ERBIN: variants seen among roughly 807,000 people sequenced by gnomAD.
ERBIN encodes densin-180-like protein.
Under a neutral mutation model 158.4 loss-of-function variants are expected in ERBIN, and 60 were observed. That is an observed-to-expected ratio of 0.38 (90% CI 0.31 to 0.47). The LOEUF (loss-of-function observed/expected upper bound fraction) is 0.47. ERBIN is among the 20% of genes least tolerant of loss of function. The pLI is 0.99. For missense variants in ERBIN, 1,610 were observed against 1,648.0 expected (o/e 0.98, Z 0.40); for synonymous variants, 594 against 557.2 (o/e 1.07, Z -0.93).
chr5:65,964,288 A>G (rs914952557), intron 1 of ERBIN, among the ~76,000 whole-genome samples: 1 of 152,248 alleles, frequency 6.6e-6, no homozygotes, highest in Admixed American at 6.5e-5. Flanking sequence ...CATTAATTCT[A>G]GAAATCTGTT....
chr5:66,004,829 G>A (rs1753410802), intron 4 of ERBIN, among the ~76,000 whole-genome samples: 1 of 152,136 alleles, frequency 6.6e-6, no homozygotes, highest in South Asian at 2.1e-4. Context: ...TGTACCAGAA[G>A]CTATTTTGTA....
intron 1 of ERBIN, among the ~76,000 whole-genome samples, chr5:65,940,555 C>T (rs1180320900): frequency 7.7e-6 from 1 of 129,924 alleles, no homozygotes; most frequent in African/African-American, 3.0e-5. Flanking sequence ...CCGCCCCGTC[C>T]GGGAGGTGAG....
intron 25 of ERBIN, 42 bp downstream of exon 25, chr5:66,076,991 CTAA>C: frequency 1.5e-6 from 2 of 1,328,738 alleles, no homozygotes; most frequent in Non-Finnish European, 2.1e-6. Flanking sequence ...TTATAACACT[CTAA>C]TGTTTTCACA....
chr5:66,013,249 T>C (rs1329600848), intron 5 of ERBIN, among the ~76,000 whole-genome samples: 1 of 152,208 alleles, frequency 6.6e-6, no homozygotes, highest in South Asian at 2.1e-4. Flanking sequence ...GATTTCAGAG[T>C]TATACCCTAA....
At chr5:66,014,318 C>T (rs968738333) in intron 6 of ERBIN, among the ~76,000 whole-genome samples, 6 of 152,136 alleles carry the variant, frequency 3.9e-5, no homozygotes, top group Non-Finnish European at 8.8e-5. Flanking sequence ...TATTTCTTCT[C>T]AGAGCAGCAC....
intron 1 of ERBIN, among the ~76,000 whole-genome samples, chr5:65,952,073 G>A (rs1299358078): frequency 6.6e-6 from 1 of 152,204 alleles, no homozygotes; most frequent in Non-Finnish European, 1.5e-5. Context: ...CTCATGTTCT[G>A]TGGGATGACT....
At chr5:66,056,608 A>G (rs951868564) in intron 21 of ERBIN, among the ~76,000 whole-genome samples, 7 of 152,030 alleles carry the variant, frequency 4.6e-5, no homozygotes, top group Non-Finnish European at 8.8e-5. Context: ...TGAAGAGTAT[A>G]TGACAGTAGT....
At chr5:65,958,492 G>A (rs1580158467) in intron 1 of ERBIN, among the ~76,000 whole-genome samples, 1 of 151,870 alleles carries the variant, frequency 6.6e-6, no homozygotes, top group East Asian at 1.9e-4. Flanking sequence ...GGGGCGGTGC[G>A]CGCCTGCAAT....
intron 1 of ERBIN, among the ~76,000 whole-genome samples, chr5:65,941,336 CAAT>C (rs1561273045): frequency 8.3e-6 from 1 of 119,866 alleles, no homozygotes; most frequent in African/African-American, 3.3e-5. Context: ...AAAAAAAGAA[CAAT>C]ACAAATAACA....
At chr5:66,045,926 C>T (rs1419411176) in intron 17 of ERBIN, among the ~76,000 whole-genome samples, 8 of 152,176 alleles carry the variant, frequency 5.3e-5, no homozygotes, top group African/African-American at 9.7e-5. Flanking sequence ...ATCCCTAAAT[C>T]GTCTGTATAT....
At chr5:65,987,234 T>C (rs1751328518) in intron 1 of ERBIN, among the ~76,000 whole-genome samples, 1 of 152,052 alleles carries the variant, frequency 6.6e-6, no homozygotes. Context: ...CTTACTGCCC[T>C]GAATAGTCTA....
intron 14 of ERBIN, among the ~76,000 whole-genome samples, chr5:66,036,152 T>C (rs1194489240): frequency 5.9e-5 from 9 of 152,154 alleles, no homozygotes; most frequent in Non-Finnish European, 1.2e-4. Flanking sequence ...TGTCTTACCT[T>C]ACAGTGCTTT....
chr5:66,072,370 CT>C, intron 22 of ERBIN, 79 bp downstream of exon 22: 1 of 1,368,078 alleles, frequency 7.3e-7, no homozygotes, highest in Non-Finnish European at 9.6e-7. Flanking sequence ...ATTATATGTG[CT>C]TTAGATGAAA....
At chr5:66,020,924 A>G (rs1755620913) in intron 7 of ERBIN, among the ~76,000 whole-genome samples, 1 of 151,968 alleles carries the variant, frequency 6.6e-6, no homozygotes, top group South Asian at 2.1e-4. Context: ...TTACAAATAT[A>G]TGAGCAGTTT....
At chr5:65,961,797 G>A (rs1747956335) in intron 1 of ERBIN, among the ~76,000 whole-genome samples, 1 of 151,950 alleles carries the variant, frequency 6.6e-6, no homozygotes. Flanking sequence ...AGGTATCTTT[G>A]GTGGGGAGGG....
chr5:66,073,136 A>G (rs1209967840), intron 22 of ERBIN, among the ~76,000 whole-genome samples: 3 of 152,186 alleles, frequency 2.0e-5, no homozygotes, highest in Non-Finnish European at 2.9e-5. Context: ...GTAGCTTAAT[A>G]TATTCCATGT....
chr5:66,059,941 A>G (rs1202766265), intron 21 of ERBIN, among the ~76,000 whole-genome samples: 3 of 152,176 alleles, frequency 2.0e-5, no homozygotes, highest in Non-Finnish European at 4.4e-5. Context: ...TCAGTTTGCC[A>G]GTATTTTATT....
At chr5:65,972,561 T>G (rs542626189) in intron 1 of ERBIN, among the ~76,000 whole-genome samples, 12 of 151,620 alleles carry the variant, frequency 7.9e-5, no homozygotes, top group African/African-American at 2.9e-4. Flanking sequence ...AAATAATGTT[T>G]GGTTAAGTAG....
At chr5:66,067,455 A>T (rs1242848241) in intron 21 of ERBIN, among the ~76,000 whole-genome samples, 2 of 152,212 alleles carry the variant, frequency 1.3e-5, no homozygotes. Flanking sequence ...CAGGGACATG[A>T]CTAAAGGCAC....
Sources: gnomAD v4.1 joint callset for allele counts (sites outside exome capture counted in the v4.1 genomes callset) on GRCh38, gnomAD v4.1.1 for gene constraint, MANE v1.5 for transcripts, NCBI Gene and HGNC (gene_info 2026-07-23, HGNC 2026-07-21) for gene names.